AKAP7: variants seen among roughly 807,000 people sequenced by gnomAD.
The protein encoded by AKAP7 is A kinase (PRKA) anchor protein 7.
A neutral mutation model predicts 39.5 loss-of-function variants in AKAP7; 39 were observed. That is an observed-to-expected ratio of 0.99 (90% CI 0.76 to 1.29). The LOEUF is 1.29. Among genes scored for constraint, AKAP7 ranks in the 50% most tolerant of loss-of-function variants. The probability of loss-of-function intolerance (pLI) is 0.00; values close to 1 mark genes in which losing one functional copy is unlikely to be tolerated. For synonymous variants in AKAP7, 140 were observed against 139.1 expected (o/e 1.01, Z -0.05); for missense variants, 414 against 407.7 (o/e 1.02, Z -0.13).
At chr6:131,221,079 CTTCTTGTACCAG>C (rs1326081707) in intron 7 of AKAP7, among the ~76,000 whole-genome samples, 4 of 152,198 alleles carry the variant, frequency 2.6e-5, no homozygotes, top group Non-Finnish European at 4.4e-5. Flanking sequence ...GAAAGCTAGG[CTTCTTGTACCAG>C]TTAGCCAAGT....
At chr6:131,157,809 T>C (rs1422218582) in intron 2 of AKAP7, among the ~76,000 whole-genome samples, 3 of 152,220 alleles carry the variant, frequency 2.0e-5, no homozygotes, top group Non-Finnish European at 4.4e-5. Context: ...TGAAGAGCTA[T>C]CATTAGCCAC....
At position 131,141,527 on chromosome 6, in the gene AKAP7, C is replaced by T. The variant is rs192879825; in HGVS notation, c.20-3758C>T. Among the ~76,000 whole-genome samples, 180 of 152,252 alleles carry T rather than the reference C, an allele frequency of 1.2e-3. 3 individuals carry two copies. The highest frequency in any genetic ancestry group is 0.011 in the Admixed American group (175 of 15,288). On this transcript the variant is annotated intron_variant, in intron 1 of 7. Transcript: ENST00000431975. ...AATGGACTGAGATAGAAAATTGGTA[C>T]TAAAGAGCAGGGTGTTGCTGTAAAG...
intron 5 of AKAP7, among the ~76,000 whole-genome samples, chr6:131,190,028 C>A (rs1242540486): frequency 6.6e-6 from 1 of 152,168 alleles, no homozygotes; most frequent in African/African-American, 2.4e-5. Flanking sequence ...ATGTAGGTTT[C>A]ATATTAGTAA....
At chr6:131,163,260 T>G (rs1207803950) in intron 3 of AKAP7, among the ~76,000 whole-genome samples, 2 of 152,204 alleles carry the variant, frequency 1.3e-5, no homozygotes, top group African/African-American at 4.8e-5. Context: ...CTTAGAAAGC[T>G]TACATACAAA....
At chr6:131,165,604 C>T (rs1361065516) in intron 4 of AKAP7, among the ~76,000 whole-genome samples, 2 of 152,186 alleles carry the variant, frequency 1.3e-5, no homozygotes, top group Non-Finnish European at 2.9e-5. Flanking sequence ...AGTACCAATA[C>T]ATGCAAGAGC....
chr6:131,274,739 C>G (rs1455672855), intron 7 of AKAP7, among the ~76,000 whole-genome samples: 4 of 152,116 alleles, frequency 2.6e-5, no homozygotes, highest in African/African-American at 9.7e-5. Flanking sequence ...CCATCCTCAC[C>G]TCACCCATGA....
At chr6:131,247,269 GTATATATATATATATATA>G (rs60033504) in intron 7 of AKAP7, among the ~76,000 whole-genome samples, 3,910 of 91,842 alleles carry the variant, frequency 0.043, 141 homozygotes, top group East Asian at 0.1. Flanking sequence ...CATTTCATAT[GTATATATATATATATATA>G]TATATATATA....
At chr6:131,220,640 G>T (rs1258601866) in intron 7 of AKAP7, among the ~76,000 whole-genome samples, 1 of 152,130 alleles carries the variant, frequency 6.6e-6, no homozygotes, top group Non-Finnish European at 1.5e-5. Context: ...GCCTTAAAAA[G>T]ACAGTTTATT....
chr6:131,185,367 A>C (rs1226091923), intron 5 of AKAP7: 1 of 529,610 alleles, frequency 1.9e-6, no homozygotes, highest in Non-Finnish European at 3.6e-6. Flanking sequence ...GAGGCCAAGA[A>C]AGGCAGGCAC....
At chr6:131,236,086 G>C (rs1282744347) in intron 7 of AKAP7, among the ~76,000 whole-genome samples, 5 of 152,248 alleles carry the variant, frequency 3.3e-5, no homozygotes, top group Non-Finnish European at 7.4e-5. Context: ...TTTGTATAAG[G>C]TGTAAAGAAG....
chr6:131,164,447 G>T (rs1256797602), intron 3 of AKAP7: 1 of 455,692 alleles, frequency 2.2e-6, no homozygotes, highest in Admixed American at 2.4e-5. Flanking sequence ...GGTCTGTGGG[G>T]ATTTCTCCTG....
chr6:131,257,782 A>G (rs971402771), intron 7 of AKAP7, among the ~76,000 whole-genome samples: 2 of 152,130 alleles, frequency 1.3e-5, no homozygotes, highest in African/African-American at 2.4e-5. Flanking sequence ...AGGGAAGGAG[A>G]GAGTCCTGAT....
chr6:131,142,396 G>A (rs980625574), intron 1 of AKAP7, among the ~76,000 whole-genome samples: 2 of 152,234 alleles, frequency 1.3e-5, no homozygotes, highest in African/African-American at 4.8e-5. Flanking sequence ...ACCTCCAGCT[G>A]TGGCTCAAAA....
At chr6:131,196,289 G>T in intron 5 of AKAP7, among the ~76,000 whole-genome samples, 2 of 134,396 alleles carry the variant, frequency 1.5e-5, no homozygotes, top group South Asian at 2.4e-4. Flanking sequence ...TTTTTGAGAC[G>T]GAGTCTCACT....
chr6:131,276,513 C>T (rs1168277202), intron 7 of AKAP7, among the ~76,000 whole-genome samples: 2 of 151,708 alleles, frequency 1.3e-5, no homozygotes, highest in Non-Finnish European at 2.9e-5. Flanking sequence ...ATATTTAGTG[C>T]TTCTTTTTAG....
At chr6:131,184,456 C>A in intron 5 of AKAP7, 1 of 660,154 alleles carries the variant, frequency 1.5e-6, no homozygotes, top group Non-Finnish European at 2.9e-6. Flanking sequence ...TAGCCATGAT[C>A]GCAGCATCAC....
At chr6:131,201,920 A>C (rs1294887274) in intron 6 of AKAP7, among the ~76,000 whole-genome samples, 1 of 152,194 alleles carries the variant, frequency 6.6e-6, no homozygotes, top group African/African-American at 2.4e-5. Context: ...CAGCGTTATC[A>C]ACAAACAACC....
At chr6:131,251,490 C>T (rs1414927323) in intron 7 of AKAP7, among the ~76,000 whole-genome samples, 4 of 152,042 alleles carry the variant, frequency 2.6e-5, no homozygotes, top group African/African-American at 9.7e-5. Context: ...AATTTCATAT[C>T]TGGTTCAGAT....
At chr6:131,249,016 C>A (rs1032547388) in intron 7 of AKAP7, among the ~76,000 whole-genome samples, 1 of 151,980 alleles carries the variant, frequency 6.6e-6, no homozygotes, top group Non-Finnish European at 1.5e-5. Flanking sequence ...CTCTTTAAAC[C>A]AAGGTAAAAT....
Sources: gnomAD v4.1 joint callset for allele counts (sites outside exome capture counted in the v4.1 genomes callset) on GRCh38, gnomAD v4.1.1 for gene constraint, MANE v1.5 for transcripts, NCBI Gene and HGNC (gene_info 2026-07-23, HGNC 2026-07-21) for gene names.